The following OXSR1 variants were observed in gnomAD, a reference collection of about 807,000 sequenced individuals.
OXSR1 encodes the protein serine/threonine-protein kinase OSR1.
OXSR1 carries 24 observed loss-of-function variants against 79.8 expected under a neutral mutation model. The observed-to-expected ratio is 0.30, with a 90% CI of 0.22 to 0.42. The LOEUF is 0.42. Ranked by LOEUF, OXSR1 falls within the 10% of genes least tolerant of loss-of-function variation. The probability of loss-of-function intolerance (pLI) is 1.00; values close to 1 mark genes in which losing one functional copy is unlikely to be tolerated. For synonymous variants in OXSR1, 226 were observed against 209.2 expected, an observed-to-expected ratio of 1.08 and a Z score of -0.69; for missense variants, 430 against 618.4, an observed-to-expected ratio of 0.70 and a Z score of 3.23.
intron 10 of OXSR1, among the ~76,000 whole-genome samples, chr3:38,235,828 C>A (rs1370416311): frequency 1.3e-5 from 2 of 152,142 alleles, no homozygotes; most frequent in Non-Finnish European, 2.9e-5. Flanking sequence ...AAGATAAGTT[C>A]AGAAATGCAT....
chr3:38,169,608 C>T (rs779615888), intron 1 of OXSR1, among the ~76,000 whole-genome samples: 11 of 144,090 alleles, frequency 7.6e-5, no homozygotes, highest in Non-Finnish European at 1.4e-4. Flanking sequence ...CCTGGCTGTT[C>T]GTTTTTTTTT....
intron 16 of OXSR1, among the ~76,000 whole-genome samples, chr3:38,251,972 C>G (rs4955394): frequency 0.085 from 12,875 of 152,258 alleles, 713 homozygotes; most frequent in African/African-American, 0.15. Flanking sequence ...GTGTCTGTCA[C>G]TTTTAAACCA....
At position 38,252,682 on chromosome 3, in the gene OXSR1, T is replaced by C. The variant is rs1294184450; in HGVS notation, c.1510-135T>C. 5.8e-6 allele frequency: 4 copies of C among 690,620 alleles called. No individual in the cohort carries two copies. The East Asian group carries it at 1.1e-4, about 18-fold the overall frequency. The allele number at this position is 690,620 out of a possible 1,614,324, so 42.8% of individuals were successfully genotyped here. On this transcript the variant is annotated intron_variant, in intron 17 of 17. Coordinates refer to ENST00000311806, the MANE Select transcript of OXSR1 (RefSeq NM_005109.3). Reference sequence around the variant, plus strand: ...CCCCCTCTTTTCTGGAATAAACACCTTCGTCAGTCTCCTATTTGTATCCTA... The same window carrying C: ...CCCCCTCTTTTCTGGAATAAACACCCTCGTCAGTCTCCTATTTGTATCCTA...
At chr3:38,236,636 C>T (rs892482525) in intron 10 of OXSR1, 5 of 366,748 alleles carry the variant, frequency 1.4e-5, no homozygotes, top group East Asian at 4.1e-5. Context: ...AGAAGTACAG[C>T]GGTTGTTACT....
At chr3:38,178,620 A>ATTTTTTTTTTTTTTTTTTTTTTTTTTTT (rs71085303) in intron 1 of OXSR1, among the ~76,000 whole-genome samples, 1 of 95,128 alleles carries the variant, frequency 1.1e-5, no homozygotes, top group Non-Finnish European at 2.0e-5. Context: ...ATATATATAT[A>ATTTTTTTTTTTTTTTTTTTTTTTTTTTT]TTTTTTTTTT....
intron 3 of OXSR1, among the ~76,000 whole-genome samples, chr3:38,191,735 C>G (rs907297606): frequency 7.2e-6 from 1 of 138,462 alleles, no homozygotes; most frequent in African/African-American, 2.8e-5. Context: ...TAACATTTCC[C>G]CCTTTGTAGC....
At chr3:38,250,784 G>A (rs1044141742) in intron 15 of OXSR1, among the ~76,000 whole-genome samples, 1 of 152,134 alleles carries the variant, frequency 6.6e-6, no homozygotes, top group Non-Finnish European at 1.5e-5. Context: ...TCAAATTGCT[G>A]GTTGCCTGTG....
At chr3:38,213,888 ATACT>A (rs1366061506) in intron 4 of OXSR1, among the ~76,000 whole-genome samples, 2 of 152,256 alleles carry the variant, frequency 1.3e-5, no homozygotes, top group Non-Finnish European at 2.9e-5. Context: ...AAATGGCCAC[ATACT>A]TTATTTAGCA....
In OXSR1 at chr3:38,255,372, G is replaced by T. The variant is rs750772547; in HGVS notation, c.*2481G>T. On this transcript the variant is annotated 3_prime_UTR_variant, in exon 18 of 18. Transcript: ENST00000311806. ...CCAATAAGTGGAGATTCCTCCTTATGATGTATGCTAGGTTATGGAAGATGT... is the reference window on the plus strand; with the variant it reads ...CCAATAAGTGGAGATTCCTCCTTATTATGTATGCTAGGTTATGGAAGATGT... 6.6e-6 allele frequency: 1 copy of T among 152,656 alleles called. No homozygotes were observed. The highest frequency in any genetic ancestry group is 1.5e-5 in the Non-Finnish European group (1 of 68,042). The allele number at this position is 152,656 out of a possible 1,614,324, so 9.5% of individuals were successfully genotyped here.
rs769847615 is a variant in OXSR1 at position 38,242,749 on chromosome 3, C to A, written c.1081C>A (p.Arg361=). ...CTTTTTGTATTTCGTTTAGTCTCCC[C>A]GAGTGAAAGAATCAATATCAAATTC... The part of the protein sequence containing the change: ...KAAISQLRSP[R]VKESISNSEL... Residue 361 remains arginine (R), a synonymous_variant, in exon 12 of 18, where the codon CGA becomes AGA. Transcript: ENST00000311806. 2 of 1,561,006 alleles carry A rather than the reference C, an allele frequency of 1.3e-6. No individual in the cohort carries two copies. The highest frequency in any genetic ancestry group is 4.7e-5 in the East Asian group (2 of 42,618).
intron 1 of OXSR1, among the ~76,000 whole-genome samples, chr3:38,178,616 A>T (rs865877682): frequency 2.4e-4 from 21 of 87,986 alleles, no homozygotes; most frequent in Non-Finnish European, 3.5e-4. Context: ...ATATATATAT[A>T]TATATTTTTT....
At chr3:38,176,132 A>G (rs1025344628) in intron 1 of OXSR1, among the ~76,000 whole-genome samples, 5 of 152,216 alleles carry the variant, frequency 3.3e-5, no homozygotes, top group Admixed American at 6.5e-5. Context: ...TACTGAAGTA[A>G]CAGTTTTACA....
intron 4 of OXSR1, among the ~76,000 whole-genome samples, chr3:38,199,948 C>G (rs1318354678): frequency 6.6e-6 from 1 of 152,160 alleles, no homozygotes; most frequent in Non-Finnish European, 1.5e-5. Context: ...GAAGGCTCTT[C>G]CCTTGGGCCC....
intron 10 of OXSR1, among the ~76,000 whole-genome samples, chr3:38,234,833 C>T (rs1702886691): frequency 6.6e-6 from 1 of 152,240 alleles, no homozygotes; most frequent in Non-Finnish European, 1.5e-5. Flanking sequence ...GTAAACAACC[C>T]ACATGCTCAT....
chr3:38,184,360 G>A (rs1366428633), intron 2 of OXSR1, among the ~76,000 whole-genome samples: 7 of 152,140 alleles, frequency 4.6e-5, no homozygotes, highest in Admixed American at 2.6e-4. Flanking sequence ...TGCATACTTC[G>A]AAGGAAATGC....
At chr3:38,245,315 A>G (rs1703117713) in intron 12 of OXSR1, among the ~76,000 whole-genome samples, 1 of 152,168 alleles carries the variant, frequency 6.6e-6, no homozygotes, top group Non-Finnish European at 1.5e-5. Flanking sequence ...ACTCAGTATC[A>G]GTCATTTCCC....
chr3:38,246,229 C>T lies in OXSR1; in HGVS notation c.1257+8C>T, dbSNP rs776851457. The stretch of plus-strand genomic sequence containing the variant: ...CCAGCAAAAACAGCTCAGGTAAAGC[C>T]GGGGATATGGTTTCATGGTCACTCC... On this transcript the variant is annotated splice_region_variant and intron_variant, in intron 13 of 17. Coordinates refer to ENST00000311806, the MANE Select transcript of OXSR1 (RefSeq NM_005109.3). 3.8e-5 allele frequency: 61 copies of T among 1,613,198 alleles called. No homozygotes were observed. The highest frequency in any genetic ancestry group is 2.9e-4 in the African/African-American group (22 of 74,806).
At chr3:38,216,870 T>C (rs1052182078) in intron 5 of OXSR1, among the ~76,000 whole-genome samples, 6 of 152,180 alleles carry the variant, frequency 3.9e-5, no homozygotes, top group African/African-American at 1.4e-4. Context: ...TAAGGAAATA[T>C]TTTAACCAAG....
In OXSR1 at chr3:38,190,811, G is replaced by A; in HGVS notation, c.264G>A (p.Leu88=). 8 of 1,604,462 alleles carry A rather than the reference G, an allele frequency of 5.0e-6. No individual in the cohort carries two copies. Among genetic ancestry groups the A allele is most frequent in the Non-Finnish European group, 6.8e-6 (8 of 1,171,410 alleles). The stretch of plus-strand genomic sequence containing the variant: ...CATCTTTTGTGGTAAAAGATGAGCT[G>A]TGGCTTGTCATGAAGCTGCTAAGTG... The part of the protein sequence containing the change: ...YYTSFVVKDE[L]WLVMKLLSGG... Residue 88 remains leucine, a synonymous_variant, in exon 3 of 18, where the codon CTG becomes CTA. Coordinates refer to ENST00000311806, the MANE Select transcript of OXSR1 (RefSeq NM_005109.3).
Sources: gnomAD v4.1 joint callset for allele counts (sites outside exome capture counted in the v4.1 genomes callset) on GRCh38, gnomAD v4.1.1 for gene constraint, MANE v1.5 for transcripts, NCBI Gene and HGNC (gene_info 2026-07-23, HGNC 2026-07-21) for gene names.